STAT4: variants seen among roughly 807,000 people sequenced by gnomAD.
STAT4 encodes signal transducer and activator of transcription 4.
A neutral mutation model predicts 110.5 loss-of-function variants in STAT4; 42 were observed. The ratio of observed to expected loss-of-function variants is 0.38; its 90% CI spans 0.30 to 0.49. The LOEUF is 0.49. Ranked by LOEUF, STAT4 falls within the 20% of genes least tolerant of loss-of-function variation. STAT4 has a pLI of 0.95. For synonymous variants in STAT4, 284 were observed against 302.2 expected (o/e 0.94, Z 0.63); for missense variants, 632 against 887.9 (o/e 0.71, Z 3.66).
At chr2:191,034,148 T>G in intron 18 of STAT4, 143 bp from the exon 19 acceptor site, 1 of 686,162 alleles carries the variant, frequency 1.5e-6, no homozygotes, top group South Asian at 2.0e-5. Context: ...CTTGGCCTGG[T>G]GTGGTGGCTC....
In STAT4 at chr2:191,082,124, T is replaced by A. The variant is rs1697500082; in HGVS notation, c.274-5799A>T. Reference sequence around the variant, plus strand: ...GTTGCTTTGTGTATGACAGGCAATCTTTTTTGCATTAATTTCAGTAACAAA... The same window carrying A: ...GTTGCTTTGTGTATGACAGGCAATCATTTTTGCATTAATTTCAGTAACAAA... On this transcript the variant is annotated intron_variant, in intron 3 of 23. Coordinates refer to ENST00000392320, the MANE Select transcript of STAT4 (RefSeq NM_003151.4). The surrounding 1 kb of genome is among the most constrained non-coding windows in gnomAD (Gnocchi z 4.7). Among the ~76,000 whole-genome samples, 1 of 152,204 alleles carries A rather than the reference T, an allele frequency of 6.6e-6. No homozygotes were observed. The highest frequency in any genetic ancestry group is 2.1e-4 in the South Asian group (1 of 4,834).
In STAT4 at chr2:191,039,207, C is replaced by A. The variant is rs759785386; in HGVS notation, c.1426G>T (p.Asp476Tyr). ...SIIWYNVSTN[D>Y]SQNLVFFNNP... is the part of the protein sequence containing the mutation. ...GTAGAAATAGAGTCTACCTGGGAAT[C>A]GTTGGTTGACACGTTGTACCAAATG... The change falls in exon 16 of 24, where the codon GAT becomes TAT. Residue 476 changes from aspartate to tyrosine, a missense_variant. Asp to Tyr is a radical substitution (Grantham distance 160). Transcript: ENST00000392320. This position sits in a 1 kb window ranked among gnomAD's most constrained non-coding sequence, Gnocchi z 4.7. 4.3e-6 allele frequency: 7 copies of A among 1,613,950 alleles called. No individual in the cohort carries two copies. The African/African-American group carries it at 5.3e-5, about 12-fold the overall frequency.
Position 191,041,101 on chromosome 2 carries a change from T to C in STAT4, c.1299A>G (p.Thr433=). ...TGGTCAGGCCATAGAGGCAGATCTGTGTTTCAAACGTTATGGAATGAAGTT... is the reference window on the plus strand; with the variant it reads ...TGGTCAGGCCATAGAGGCAGATCTGCGTTTCAAACGTTATGGAATGAAGTT... ...TEELHSITFE[T]QICLYGLTID... is the part of the protein sequence containing the mutation. Residue 433 remains threonine, a synonymous_variant, in exon 15 of 24, where the codon ACA becomes ACG. Transcript: ENST00000392320. The C allele has an allele frequency of 6.7e-7, 1 of 1,498,262 alleles. No homozygotes were observed. Among genetic ancestry groups the C allele is most frequent in the Non-Finnish European group, 8.9e-7 (1 of 1,119,334 alleles). The allele number at this position is 1,498,262 out of a possible 1,614,324, so 92.8% of individuals were successfully genotyped here.
chr2:191,072,977 T>C, intron 5 of STAT4, 121 bp downstream of exon 5: 1 of 669,488 alleles, frequency 1.5e-6, no homozygotes, highest in Non-Finnish European at 2.5e-6. Context: ...GAGATATTTA[T>C]CTTATTAACA....
rs914222876 is a variant in STAT4 at position 191,046,296 on chromosome 2, T to C, written c.1252-5148A>G. ...TTGACATATCCTTCACATAACCGAA[T>C]TGGCCAGGTTTTAGCTCCTTGAAGT... On this transcript the variant is annotated intron_variant, in intron 14 of 23. Coordinates refer to ENST00000392320, the MANE Select transcript of STAT4 (RefSeq NM_003151.4). The surrounding 1 kb of genome is among the most constrained non-coding windows in gnomAD (Gnocchi z 4.6). 6.6e-6 allele frequency among the ~76,000 whole-genome samples: 1 copy of C among 152,192 alleles called. No individual in the cohort carries two copies. The highest frequency in any genetic ancestry group is 2.4e-5 in the African/African-American group (1 of 41,446).
rs376825365 is a variant in STAT4 at position 191,148,062 on chromosome 2, A to C, written c.128+14T>G. ...TTGTGCATCAACTTCTAGGGAAAAT[A>C]TGTTTGATCCTACCAGTCTTGATTT... On this transcript the variant is annotated intron_variant, in intron 2 of 23. Coordinates refer to ENST00000392320, the MANE Select transcript of STAT4 (RefSeq NM_003151.4). 2 of 1,613,124 alleles carry C rather than the reference A, an allele frequency of 1.2e-6. No homozygotes were observed. The highest frequency in any genetic ancestry group is 1.7e-6 in the Non-Finnish European group (2 of 1,179,532).
upstream of STAT4, chr2:191,151,352 G>C: frequency 1.0e-6 from 1 of 985,638 alleles, no homozygotes; most frequent in Non-Finnish European, 1.2e-6. The surrounding 1 kb of genome is among the most constrained non-coding windows in gnomAD (Gnocchi z 4.7). Context: ...CAGTTCTTCA[G>C]CTTCCTCTCT....
intron 2 of STAT4, 59 bp downstream of exon 2, chr2:191,148,017 A>T: frequency 1.2e-6 from 2 of 1,604,470 alleles, no homozygotes; most frequent in South Asian, 2.2e-5. Flanking sequence ...ATAAATTCAC[A>T]TGGATAGAGC....
chr2:191,067,106 T>C (rs1227888316), intron 6 of STAT4, among the ~76,000 whole-genome samples: 1 of 151,262 alleles, frequency 6.6e-6, no homozygotes, highest in Non-Finnish European at 1.5e-5. Context: ...AAACTAGCAG[T>C]GGGCCAGAGT....
chr2:191,098,410 A>G (rs1343811133), intron 3 of STAT4, among the ~76,000 whole-genome samples: 1 of 152,208 alleles, frequency 6.6e-6, no homozygotes, highest in Non-Finnish European at 1.5e-5. Flanking sequence ...TGGCACATAT[A>G]TACCATGGAA....
intron 3 of STAT4, among the ~76,000 whole-genome samples, chr2:191,114,735 C>G (rs995636853): frequency 2.0e-5 from 3 of 152,176 alleles, no homozygotes; most frequent in Non-Finnish European, 4.4e-5. Context: ...TGCTGTAGAT[C>G]ATGCTTCTTT....
At position 191,091,100 on chromosome 2, in the gene STAT4, A is replaced by G. The variant is rs1404247751; in HGVS notation, c.274-14775T>C. On this transcript the variant is annotated intron_variant, in intron 3 of 23. Transcript: ENST00000392320. The surrounding 1 kb of genome is among the most constrained non-coding windows in gnomAD (Gnocchi z 5.4). ...AGAACAGATATCTCGTCATCATTAG[A>G]AAGTGTTTAGACAAGATTATAAGGA... 6.6e-6 allele frequency among the ~76,000 whole-genome samples: 1 copy of G among 152,196 alleles called. No individual in the cohort carries two copies. Among genetic ancestry groups the G allele is most frequent in the African/African-American group, 2.4e-5 (1 of 41,444 alleles).
At chr2:191,065,066 G>T in intron 7 of STAT4, 108 bp from the exon 8 acceptor site, 1 of 1,234,608 alleles carries the variant, frequency 8.1e-7, no homozygotes, top group Non-Finnish European at 1.1e-6. Context: ...TTAAAATTTT[G>T]ACCAAATATT....
rs1698498114 is a variant in STAT4, at chr2:191,113,985, C to A, written c.273+32628G>T. Reference sequence around the variant, plus strand: ...CTGATCAAATCTGATGTTTAAAATACATTGTTTCTGAAGAAAACTGTGGTC... The same window carrying A: ...CTGATCAAATCTGATGTTTAAAATAAATTGTTTCTGAAGAAAACTGTGGTC... On this transcript the variant is annotated intron_variant, in intron 3 of 23. Transcript: ENST00000392320. This position sits in a 1 kb window ranked among gnomAD's most constrained non-coding sequence, Gnocchi z 4.8. 6.6e-6 allele frequency among the ~76,000 whole-genome samples: 1 copy of A among 152,166 alleles called. No homozygotes were observed. The highest frequency in any genetic ancestry group is 1.5e-5 in the Non-Finnish European group (1 of 68,024).
intron 3 of STAT4, chr2:191,131,857 C>T: frequency 6.8e-7 from 1 of 1,459,864 alleles, no homozygotes; most frequent in Non-Finnish European, 9.0e-7. Flanking sequence ...GCAGGTTTCT[C>T]CATGTCGATC....
In STAT4 at chr2:191,032,831, A is replaced by G. The variant is rs1193953492; in HGVS notation, c.2044+127T>C. The G allele has an allele frequency of 4.0e-6, 4 of 993,746 alleles. No individual in the cohort carries two copies. The highest frequency in any genetic ancestry group is 3.3e-5 in the African/African-American group (2 of 60,490). The allele number at this position is 993,746 out of a possible 1,614,324, so 61.6% of individuals were successfully genotyped here. ...CTTCATTTCTAAGGCTTTGACCTCC[A>G]CATGCCCTTAGATCTTACAGAAATC... On this transcript the variant is annotated intron_variant, in intron 21 of 23. Transcript: ENST00000392320. This position sits in a 1 kb window ranked among gnomAD's most constrained non-coding sequence, Gnocchi z 4.9.
At position 191,098,248 on chromosome 2, in the gene STAT4, C is replaced by T. The variant is rs562246128; in HGVS notation, c.274-21923G>A. ...GAACTAGAAATACCATTTGACCCAG[C>T]GATCCCATTACTGGGTATACATCCA... On this transcript the variant is annotated intron_variant, in intron 3 of 23. Coordinates refer to ENST00000392320, the MANE Select transcript of STAT4 (RefSeq NM_003151.4). Among the ~76,000 whole-genome samples, 4 of 152,300 alleles carry T rather than the reference C, an allele frequency of 2.6e-5. No homozygotes were observed. In the East Asian group the frequency reaches 5.8e-4, roughly 22 times the overall value.
At position 191,117,206 on chromosome 2, in the gene STAT4, T is replaced by A. The variant is rs2125379045; in HGVS notation, c.273+29407A>T. 1.3e-5 allele frequency among the ~76,000 whole-genome samples: 2 copies of A among 152,342 alleles called. No homozygotes were observed. The highest frequency in any genetic ancestry group is 6.8e-3 in the Middle Eastern group (2 of 294). On this transcript the variant is annotated intron_variant, in intron 3 of 23. Transcript: ENST00000392320. The surrounding 1 kb of genome is among the most constrained non-coding windows in gnomAD (Gnocchi z 5.2). Reference sequence around the variant, plus strand: ...TGATTATTAGAATTACCTGAGCTGCTCAGTCCCACAACAAATCAAAAATGG... The same window carrying A: ...TGATTATTAGAATTACCTGAGCTGCACAGTCCCACAACAAATCAAAAATGG...
At chr2:191,047,970 GT>G in intron 14 of STAT4, among the ~76,000 whole-genome samples, 1 of 152,242 alleles carries the variant, frequency 6.6e-6, no homozygotes, top group Non-Finnish European at 1.5e-5. Context: ...CTGGTCTATA[GT>G]TTAATTTCTA....
Sources: gnomAD v4.1 joint callset for allele counts (sites outside exome capture counted in the v4.1 genomes callset) on GRCh38, gnomAD v4.1.1 for gene constraint, Gnocchi (gnomAD v3.1) non-coding constraint, MANE v1.5 for transcripts, NCBI Gene and HGNC (gene_info 2026-07-23, HGNC 2026-07-21) for gene names.